Variants in DPYD observed in about 807,000 individuals in gnomAD.
The protein encoded by DPYD is dihydropyrimidine dehydrogenase [NADP(+)].
In DPYD, 109 loss-of-function variants were observed where a neutral mutation model predicts 116.2. That is an observed-to-expected ratio of 0.94 (90% CI 0.80 to 1.10). The LOEUF is 1.10. Among genes scored for constraint, DPYD ranks in the 50% least tolerant of loss-of-function variants. The pLI, the probability that DPYD is intolerant of heterozygous loss-of-function variation, is 0.00. For missense variants in DPYD, 1,302 were observed against 1,254.5 expected (o/e 1.04, Z -0.57); for synonymous variants, 440 against 432.0 (o/e 1.02, Z -0.23).
chr1:97,650,795 GAA>G (rs1378821030), intron 8 of DPYD, among the ~76,000 whole-genome samples: 1 of 151,602 alleles, frequency 6.6e-6, no homozygotes, highest in Non-Finnish European at 1.5e-5. Context: ...CTTGTTCCTT[GAA>G]AAAAATTTAA....
intron 8 of DPYD, among the ~76,000 whole-genome samples, chr1:97,598,182 A>G (rs1430098584): frequency 6.6e-6 from 1 of 152,200 alleles, no homozygotes; most frequent in African/African-American, 2.4e-5. Flanking sequence ...ACCTTAGCAT[A>G]TGTAAATCAA....
chr1:97,303,869 A>T (rs577447097), intron 18 of DPYD, among the ~76,000 whole-genome samples: 1 of 152,128 alleles, frequency 6.6e-6, no homozygotes, highest in African/African-American at 2.4e-5. Context: ...TTTTATGGAA[A>T]TGCTAACAGG....
intron 8 of DPYD, among the ~76,000 whole-genome samples, chr1:97,644,652 G>A (rs866049850): frequency 6.6e-6 from 1 of 151,112 alleles, no homozygotes; most frequent in East Asian, 1.9e-4. Context: ...TAGAAACAGG[G>A]TATCACCACA....
chr1:97,552,154 C>T (rs967727468), intron 11 of DPYD, among the ~76,000 whole-genome samples: 1 of 151,998 alleles, frequency 6.6e-6, no homozygotes, highest in Non-Finnish European at 1.5e-5. Context: ...TCTTTCAAAG[C>T]CCTGCGCCTA....
Position 97,723,527 on chromosome 1 carries a change from C to G in DPYD, c.322-1856G>C, listed in dbSNP as rs77013890. ...CTGGAGGACATATAGCTAGTCCATT[C>G]GATTCATTACACTTTATATTAAGTA... On this transcript the variant is annotated intron_variant, in intron 4 of 22. Coordinates refer to ENST00000370192, the MANE Select transcript of DPYD (RefSeq NM_000110.4). Among the ~76,000 whole-genome samples, 3 of 151,316 alleles carry G rather than the reference C, an allele frequency of 2.0e-5. No individual in the cohort carries two copies. The South Asian group carries it at 6.2e-4, about 31-fold the overall frequency.
In DPYD at chr1:97,525,895, C is replaced by T. The variant is rs148416136; in HGVS notation, c.1525-9954G>A. Among the ~76,000 whole-genome samples the T allele has an allele frequency of 3.6e-3, 452 of 127,216 alleles. 5 individuals are homozygous for T. Among genetic ancestry groups the T allele is most frequent in the African/African-American group, 0.012 (390 of 31,500 alleles). 83.5% of individuals were successfully genotyped at this position (127,216 alleles called of 152,430 possible). On this transcript the variant is annotated intron_variant, in intron 12 of 22. Transcript: ENST00000370192. The stretch of plus-strand genomic sequence containing the variant: ...GCGTGTGTGTGTGTGTGCGCGCGCG[C>T]GTGTGTGTGTGTGTGTGTTTTAGGC...
At chr1:97,310,074 GA>G (rs1194861409) in intron 16 of DPYD, among the ~76,000 whole-genome samples, 10 of 151,730 alleles carry the variant, frequency 6.6e-5, no homozygotes, top group Non-Finnish European at 1.3e-4. Context: ...TTGACTTGAA[GA>G]AACATTTCTC....
intron 13 of DPYD, among the ~76,000 whole-genome samples, chr1:97,505,612 T>C (rs925766105): frequency 2.0e-5 from 3 of 151,852 alleles, no homozygotes; most frequent in Non-Finnish European, 2.9e-5. Context: ...GGTGTATATA[T>C]TTTCTGAACT....
chr1:97,322,878 A>C (rs927340305), intron 16 of DPYD: 1 of 152,024 alleles, frequency 6.6e-6, no homozygotes, highest in Middle Eastern at 3.2e-3. Flanking sequence ...TCTAAAGAGC[A>C]GCTCCTGTTT....
At chr1:97,909,404 T>G (rs1007398960) in intron 1 of DPYD, among the ~76,000 whole-genome samples, 1 of 152,156 alleles carries the variant, frequency 6.6e-6, no homozygotes, top group Non-Finnish European at 1.5e-5. Flanking sequence ...CCTTAATATA[T>G]GTACCTGCTC....
intron 8 of DPYD, among the ~76,000 whole-genome samples, chr1:97,675,152 T>C (rs1294959851): frequency 2.6e-5 from 4 of 152,214 alleles, no homozygotes; most frequent in Non-Finnish European, 4.4e-5. Flanking sequence ...TGGTTATTTT[T>C]ATAAAATAAA....
At chr1:97,767,974 G>C (rs4537601) in intron 3 of DPYD, among the ~76,000 whole-genome samples, 113,622 of 151,894 alleles carry the variant, frequency 0.75, 42,959 homozygotes, top group East Asian at 0.98. Context: ...ATTTGTCAAA[G>C]TTAATAGAAA....
At chr1:97,319,200 A>G (rs902843193) in intron 16 of DPYD, among the ~76,000 whole-genome samples, 1 of 147,758 alleles carries the variant, frequency 6.8e-6, no homozygotes, top group African/African-American at 2.5e-5. Flanking sequence ...ACACATTCAA[A>G]AGCTAGCAGA....
intron 13 of DPYD, among the ~76,000 whole-genome samples, chr1:97,467,152 T>C (rs1238510840): frequency 6.6e-6 from 1 of 152,218 alleles, no homozygotes; most frequent in Non-Finnish European, 1.5e-5. Flanking sequence ...TGTCTCTAAG[T>C]TGTTTTTCGG....
intron 8 of DPYD, among the ~76,000 whole-genome samples, chr1:97,670,457 C>A (rs558972045): frequency 2.0e-5 from 3 of 152,044 alleles, no homozygotes; most frequent in Admixed American, 6.6e-5. Flanking sequence ...TCTTTCCATG[C>A]GGATAAACCA....
intron 1 of DPYD, among the ~76,000 whole-genome samples, chr1:97,907,858 C>T (rs1673720600): frequency 6.6e-6 from 1 of 151,986 alleles, no homozygotes; most frequent in African/African-American, 2.4e-5. Flanking sequence ...CAGAAATTTA[C>T]TGCCTCACTC....
chr1:97,204,922 T>A (rs1659487671), intron 19 of DPYD, among the ~76,000 whole-genome samples: 1 of 152,020 alleles, frequency 6.6e-6, no homozygotes, highest in South Asian at 2.1e-4. Flanking sequence ...CCCGACTTGA[T>A]CCTGTTATTG....
chr1:97,693,338 T>C (rs1055889038), intron 6 of DPYD, among the ~76,000 whole-genome samples: 2 of 130,078 alleles, frequency 1.5e-5, no homozygotes, highest in African/African-American at 5.9e-5. Context: ...AAATGCAAGG[T>C]ATCAAACACC....
At chr1:97,515,575 G>A (rs1648155773) in intron 13 of DPYD, 151 bp downstream of exon 13, 1 of 718,090 alleles carries the variant, frequency 1.4e-6, no homozygotes, top group Non-Finnish European at 2.3e-6. Context: ...AGAAAGGAAG[G>A]AAAGAAACTA....
Sources: gnomAD v4.1 joint callset for allele counts (sites outside exome capture counted in the v4.1 genomes callset) on GRCh38, gnomAD v4.1.1 for gene constraint, MANE v1.5 for transcripts, NCBI Gene and HGNC (gene_info 2026-07-23, HGNC 2026-07-21) for gene names.